VDAC3: variants seen among roughly 807,000 people sequenced by gnomAD.
The protein encoded by VDAC3 is non-selective voltage-gated ion channel VDAC3.
In VDAC3, 7 loss-of-function variants were observed where a neutral mutation model predicts 33.9. The observed-to-expected ratio is 0.21, with a 90% CI of 0.12 to 0.39. The LOEUF (loss-of-function observed/expected upper bound fraction) is 0.39. Among genes scored for constraint, VDAC3 ranks in the 10% least tolerant of loss-of-function variants. VDAC3 has a pLI of 1.00. For missense variants in VDAC3, 261 were observed against 334.5 expected, an observed-to-expected ratio of 0.78 and a Z score of 1.71; for synonymous variants, 100 against 122.4, an observed-to-expected ratio of 0.82 and a Z score of 1.21.
intron 5 of VDAC3, 108 bp downstream of exon 5, chr8:42,398,972 C>A: frequency 3.0e-6 from 4 of 1,320,996 alleles, no homozygotes; most frequent in East Asian, 2.5e-5. Flanking sequence ...TATCTAGTAG[C>A]CATATTTTTT....
intron 9 of VDAC3, 106 bp downstream of exon 9, chr8:42,405,030 C>A: frequency 1.0e-6 from 1 of 978,804 alleles, no homozygotes; most frequent in Non-Finnish European, 1.6e-6. Flanking sequence ...TGATTTGGAC[C>A]ATTTTGTAAC....
intron 4 of VDAC3, chr8:42,396,915 T>G: frequency 2.2e-6 from 1 of 449,618 alleles, no homozygotes; most frequent in Non-Finnish European, 3.9e-6. Context: ...TGCACTTGTT[T>G]GACCAAATTA....
intron 6 of VDAC3, among the ~76,000 whole-genome samples, chr8:42,400,153 C>T (rs1359906833): frequency 2.0e-5 from 3 of 151,890 alleles, no homozygotes; most frequent in Non-Finnish European, 4.4e-5. Flanking sequence ...CTGGCTAACA[C>T]GGTGAAACCC....
chr8:42,403,934 C>T (rs1182756840), intron 8 of VDAC3, among the ~76,000 whole-genome samples: 2 of 150,986 alleles, frequency 1.3e-5, no homozygotes, highest in Non-Finnish European at 2.9e-5. Context: ...TTCTTCTAGT[C>T]CTAGCTCTTC....
chr8:42,399,813 G>T, intron 6 of VDAC3, 110 bp downstream of exon 6: 7 of 987,086 alleles, frequency 7.1e-6, no homozygotes, highest in Non-Finnish European at 1.1e-5. Context: ...AACTCAGAAG[G>T]TTGCTATAAG....
At chr8:42,396,864 T>G in intron 4 of VDAC3, 1 of 578,486 alleles carries the variant, frequency 1.7e-6, no homozygotes, top group Non-Finnish European at 3.0e-6. Context: ...GCATTTAATG[T>G]AGAGCTATAT....
At position 42,401,847 on chromosome 8, in the gene VDAC3, A is replaced by G; in HGVS notation, c.383A>G (p.Asn128Ser). The G allele has an allele frequency of 6.2e-7, 1 of 1,614,188 alleles. No homozygotes were observed. Among genetic ancestry groups the G allele is most frequent in the Non-Finnish European group, 8.5e-7 (1 of 1,180,042 alleles). Residue 128 changes from asparagine to serine, a missense_variant, in exon 7 of 10, where the codon AAT (asparagine) becomes AGT (serine). Physicochemically the swap from Asn to Ser is conservative, Grantham distance 46 (BLOSUM62 1). Transcript: ENST00000022615. ...YKRDCFSVGS[N>S]VDIDFSGPTI... ...CGGGATTGTTTTAGTGTTGGCAGTA[A>G]TGTTGATATAGATTTTTCTGGACCA...
intron 1 of VDAC3, among the ~76,000 whole-genome samples, 158 bp downstream of exon 1, chr8:42,392,086 C>A (rs1168193366): frequency 6.6e-6 from 1 of 152,136 alleles, no homozygotes; most frequent in Non-Finnish European, 1.5e-5. Context: ...CCGCCGGGAC[C>A]CGCCCGGGCC....
chr8:42,405,750 G>A lies in VDAC3; in HGVS notation c.*288G>A, dbSNP rs568141359. ...AGTGTAGCGTCATGTTAGAGGAGACGATCTGACCCACCAGTTTGTACATCA... is the reference window on the plus strand; with the variant it reads ...AGTGTAGCGTCATGTTAGAGGAGACAATCTGACCCACCAGTTTGTACATCA... On this transcript the variant is annotated 3_prime_UTR_variant, in exon 10 of 10. Transcript: ENST00000022615. 6 of 292,842 alleles carry A rather than the reference G, an allele frequency of 2.0e-5. No individual in the cohort carries two copies. Among genetic ancestry groups the A allele is most frequent in the Non-Finnish European group, 3.9e-5 (6 of 155,632 alleles). The allele number at this position is 292,842 out of a possible 1,614,324, so 18.1% of individuals were successfully genotyped here. A position where few individuals can be genotyped will look rare whatever the true frequency, so the allele number is the denominator to read the frequency against.
At chr8:42,393,186 G>A (rs1415376237) in intron 1 of VDAC3, among the ~76,000 whole-genome samples, 1 of 152,084 alleles carries the variant, frequency 6.6e-6, no homozygotes, top group African/African-American at 2.4e-5. Flanking sequence ...TGCATCATAT[G>A]TATATGTTTG....
At chr8:42,403,864 C>T (rs1238652951) in intron 8 of VDAC3, among the ~76,000 whole-genome samples, 6 of 139,056 alleles carry the variant, frequency 4.3e-5, no homozygotes, top group East Asian at 4.1e-4. Context: ...GGTGACAGAG[C>T]GAGAGCCTAT....
chr8:42,402,581 C>T (rs1019354725), intron 7 of VDAC3, among the ~76,000 whole-genome samples: 9 of 152,108 alleles, frequency 5.9e-5, no homozygotes, highest in Non-Finnish European at 1.3e-4. Flanking sequence ...AGAACTTTTA[C>T]GTAGTATTTT....
At position 42,399,657 on chromosome 8, in the gene VDAC3, G is replaced by A; in HGVS notation, c.277G>A (p.Glu93Lys). 1 of 1,610,082 alleles carries A rather than the reference G, an allele frequency of 6.2e-7. No individual in the cohort carries two copies. The highest frequency in any genetic ancestry group is 1.3e-5 in the African/African-American group (1 of 74,982). ...TTAAATCTTTGTTTTTCAGTTGGCT[G>A]AAGGGTTGAAACTGACTCTTGATAC... is the stretch of plus-strand genomic sequence containing the variant. The part of the protein sequence containing the change: ...TEISWENKLA[E>K]GLKLTLDTIF... The change falls in exon 6 of 10, where the codon GAA becomes AAA. Residue 93 changes from glutamate to lysine, a missense_variant. Physicochemically the swap from Glu to Lys is moderately conservative, Grantham distance 56 (BLOSUM62 1). Transcript: ENST00000022615.
intron 4 of VDAC3, 52 bp downstream of exon 4, chr8:42,395,185 T>A (rs1032240848): frequency 3.7e-6 from 6 of 1,607,794 alleles, no homozygotes; most frequent in Middle Eastern, 1.7e-4. Context: ...CTTAAAGGAA[T>A]CTGTTTAAAA....
chr8:42,401,744 C>G (rs529283117), intron 6 of VDAC3, 44 bp from the exon 7 acceptor site: 1 of 1,575,304 alleles, frequency 6.3e-7, no homozygotes, highest in South Asian at 1.1e-5. Flanking sequence ...AGTAAGAACT[C>G]ATGTTGTTTT....
At chr8:42,402,185 T>C (rs1217433103) in intron 7 of VDAC3, 170 bp downstream of exon 7, 15 of 706,472 alleles carry the variant, frequency 2.1e-5, no homozygotes, top group Non-Finnish European at 3.3e-5. Context: ...GCACGTGGTG[T>C]GCAGGCTGTG....
intron 4 of VDAC3, chr8:42,396,719 G>T: frequency 1.5e-6 from 1 of 679,904 alleles, no homozygotes; most frequent in Non-Finnish European, 2.6e-6. Context: ...TGTTTTTATG[G>T]CTGCTTTTGG....
intron 1 of VDAC3, among the ~76,000 whole-genome samples, chr8:42,392,416 T>G (rs1332482179): frequency 1.3e-5 from 2 of 152,260 alleles, no homozygotes; most frequent in Non-Finnish European, 2.9e-5. Context: ...CTGCGTCTCC[T>G]GCAGCCTCTG....
intron 4 of VDAC3, among the ~76,000 whole-genome samples, chr8:42,397,760 A>G (rs971303723): frequency 2.1e-4 from 32 of 152,342 alleles, no homozygotes; most frequent in African/African-American, 7.7e-4. Context: ...AGGATAAATT[A>G]TAGCATTCTA....
Sources: allele counts gnomAD v4.1 joint callset (sites outside exome capture counted in the v4.1 genomes callset), GRCh38; gene constraint gnomAD v4.1.1; transcripts MANE v1.5; gene names NCBI Gene and HGNC (gene_info 2026-07-23, HGNC 2026-07-21).